The following SKIL variants were observed in gnomAD, a reference collection of about 807,000 sequenced individuals.
SKIL encodes ski-like protein.
SKIL carries 20 observed loss-of-function variants against 69.6 expected under a neutral mutation model. The observed-to-expected ratio is 0.29, with a 90% CI of 0.20 to 0.42. The LOEUF is 0.42. SKIL is among the 10% of genes least tolerant of loss of function. The probability of loss-of-function intolerance (pLI) is 1.00; values close to 1 mark genes in which losing one functional copy is unlikely to be tolerated. For missense variants in SKIL, 745 were observed against 783.1 expected (o/e 0.95, Z 0.58); for synonymous variants, 310 against 279.9 (o/e 1.11, Z -1.08).
chr3:170,359,331 C>T (rs1736100753), intron 1 of SKIL, among the ~76,000 whole-genome samples: 1 of 152,200 alleles, frequency 6.6e-6, no homozygotes, highest in African/African-American at 2.4e-5. Flanking sequence ...TGCGGTGGCT[C>T]ACGCCTGTAA....
intron 2 of SKIL, among the ~76,000 whole-genome samples, chr3:170,362,683 TG>T: frequency 6.6e-6 from 1 of 151,462 alleles, no homozygotes; most frequent in East Asian, 1.9e-4. Flanking sequence ...GGCATGGTGG[TG>T]TGTGTTTGTA....
At chr3:170,374,152 A>G (rs1406371622) in intron 2 of SKIL, among the ~76,000 whole-genome samples, 1 of 152,210 alleles carries the variant, frequency 6.6e-6, no homozygotes, top group Non-Finnish European at 1.5e-5. Flanking sequence ...AGAAATTTAG[A>G]GAAACTTTCA....
intron 2 of SKIL, among the ~76,000 whole-genome samples, chr3:170,365,729 TCATTTTAAAA>T (rs1736466209): frequency 6.8e-6 from 1 of 148,030 alleles, no homozygotes; most frequent in Non-Finnish European, 1.5e-5. Context: ...CAGAGGGAGC[TCATTTTAAAA>T]AGTCAAACTA....
chr3:170,378,093 A>G (rs910754146), intron 2 of SKIL, among the ~76,000 whole-genome samples: 4 of 151,488 alleles, frequency 2.6e-5, no homozygotes, highest in African/African-American at 7.3e-5. Context: ...GGGTTTCACT[A>G]TATTGGCCAG....
rs538734885 is a variant in SKIL, at chr3:170,360,982, C to T, written c.651C>T (p.Ser217=). The T allele has an allele frequency of 6.2e-7, 1 of 1,614,184 alleles. No individual in the cohort carries two copies. Among genetic ancestry groups the T allele is most frequent in the Non-Finnish European group, 8.5e-7 (1 of 1,180,026 alleles). ...GCATACTTCCATTCAATGCCCCATC[C>T]TGTGGGCTGATTACATTAACTGATG... The part of the protein sequence containing the change: ...VLGILPFNAP[S]CGLITLTDAQ... The change falls in exon 2 of 7, where the codon TCC becomes TCT. Residue 217 remains serine (S), a synonymous_variant. Coordinates refer to ENST00000259119, the MANE Select transcript of SKIL (RefSeq NM_005414.5).
rs1000162401 is a variant in SKIL at position 170,391,264 on chromosome 3, A to G, written c.1896+4A>G. On this transcript the variant is annotated splice_donor_region_variant and intron_variant, in intron 6 of 6. Coordinates refer to ENST00000259119, the MANE Select transcript of SKIL (RefSeq NM_005414.5). ...AGAGGCTGAATATGCAGGACAGGTA[A>G]GAATTACTGTTTGTATAATGGTGCC... The G allele has an allele frequency of 6.0e-6, 9 of 1,504,826 alleles. No homozygotes were observed. Among genetic ancestry groups the G allele is most frequent in the Non-Finnish European group, 7.3e-6 (8 of 1,088,478 alleles). The allele number at this position is 1,504,826 out of a possible 1,614,324, so 93.2% of individuals were successfully genotyped here.
intron 1 of SKIL, among the ~76,000 whole-genome samples, chr3:170,358,055 C>G (rs539715553): frequency 1.2e-4 from 18 of 152,178 alleles, no homozygotes; most frequent in Non-Finnish European, 2.1e-4. Flanking sequence ...CGCGGGGACC[C>G]CGGAGACCCG....
At chr3:170,365,267 A>G (rs768778191) in intron 2 of SKIL, among the ~76,000 whole-genome samples, 7 of 152,166 alleles carry the variant, frequency 4.6e-5, no homozygotes, top group Non-Finnish European at 8.8e-5. Flanking sequence ...ATTTTTCACT[A>G]TTTGCCCCTG....
rs1169956661 is a variant in SKIL, at chr3:170,361,084, A to C, written c.753A>C (p.Ser251=). Residue 251 remains serine (S), a synonymous_variant, in exon 2 of 7, where the codon TCA becomes TCC. Transcript: ENST00000259119. ...GTAGCGTACTTCCTGCTAAAAGCTC[A>C]TTGGCCCAGTTAAAGGAAACTGGCA... The part of the protein sequence containing the change: ...QNGSVLPAKS[S]LAQLKETGSA... The C allele has an allele frequency of 6.2e-7, 1 of 1,614,238 alleles. No homozygotes were observed. Among genetic ancestry groups the C allele is most frequent in the Non-Finnish European group, 8.5e-7 (1 of 1,180,040 alleles).
chr3:170,391,242 G>A lies in SKIL; in HGVS notation c.1878G>A (p.Glu626=), dbSNP rs1737899284. 9 of 1,600,288 alleles carry A rather than the reference G, an allele frequency of 5.6e-6. No homozygotes were observed. Among genetic ancestry groups the A allele is most frequent in the Non-Finnish European group, 7.7e-6 (9 of 1,168,630 alleles). Reference sequence around the variant, plus strand: ...ACTCAAATTTAGAAAAAGACAAAGAGGCTGAATATGCAGGACAGGTAAGAA... The same window carrying A: ...ACTCAAATTTAGAAAAAGACAAAGAAGCTGAATATGCAGGACAGGTAAGAA... ...TCDSNLEKDK[E]AEYAGQLAEL... The change falls in exon 6 of 7, where the codon GAG becomes GAA. Residue 626 remains glutamate (E), a synonymous_variant. Coordinates refer to ENST00000259119, the MANE Select transcript of SKIL (RefSeq NM_005414.5).
At chr3:170,359,210 A>G (rs1169319498) in intron 1 of SKIL, among the ~76,000 whole-genome samples, 1 of 152,224 alleles carries the variant, frequency 6.6e-6, no homozygotes, top group Admixed American at 6.5e-5. Flanking sequence ...TTGCTTTCCT[A>G]TTTAAATGAA....
rs948287623 is a variant in SKIL, at chr3:170,395,990, G to A, written c.*3573G>A. On this transcript the variant is annotated 3_prime_UTR_variant, in exon 7 of 7. Transcript: ENST00000259119. Reference sequence around the variant, plus strand: ...GAAAAGTGTATTAGTATTTTATATTGCATTTCATTTAAAAGGACAGTTTTT... The same window carrying A: ...GAAAAGTGTATTAGTATTTTATATTACATTTCATTTAAAAGGACAGTTTTT... The A allele has an allele frequency of 6.9e-6, 1 of 145,862 alleles. No homozygotes were observed. Among genetic ancestry groups the A allele is most frequent in the South Asian group, 2.2e-4 (1 of 4,568 alleles). 9.0% of individuals were successfully genotyped at this position (145,862 alleles called of 1,614,324 possible). A position where few individuals can be genotyped will look rare whatever the true frequency, so the allele number is the denominator to read the frequency against.
At chr3:170,369,322 TAGTC>T (rs1410551990) in intron 2 of SKIL, among the ~76,000 whole-genome samples, 4 of 152,194 alleles carry the variant, frequency 2.6e-5, no homozygotes, top group Non-Finnish European at 5.9e-5. Context: ...TGGATCATCA[TAGTC>T]AGCCAGTAGT....
chr3:170,383,462 G>A (rs1291091391), intron 3 of SKIL, among the ~76,000 whole-genome samples: 1 of 152,192 alleles, frequency 6.6e-6, no homozygotes, highest in Non-Finnish European at 1.5e-5. Context: ...TTTGCTAAGT[G>A]TTACTCAGAA....
rs922740456 is a variant in SKIL, at chr3:170,394,776, G to A, written c.*2359G>A. 2.0e-5 allele frequency: 3 copies of A among 152,122 alleles called. No homozygotes were observed. Among genetic ancestry groups the A allele is most frequent in the Non-Finnish European group, 2.9e-5 (2 of 68,000 alleles). The allele number at this position is 152,122 out of a possible 1,614,324, so 9.4% of individuals were successfully genotyped here. On this transcript the variant is annotated 3_prime_UTR_variant, in exon 7 of 7. Transcript: ENST00000259119. ...TTTTTTAAGTCAATTGTAAATATAC[G>A]TATTATTGTTAAAAGTAACTTTAAA...
At chr3:170,366,953 C>T (rs1159517250) in intron 2 of SKIL, among the ~76,000 whole-genome samples, 1 of 151,760 alleles carries the variant, frequency 6.6e-6, no homozygotes, top group Non-Finnish European at 1.5e-5. Context: ...TGATCTAATT[C>T]TAATTTTGTT....
chr3:170,392,488 G>T lies in SKIL; in HGVS notation c.*71G>T. 1 of 884,218 alleles carries T rather than the reference G, an allele frequency of 1.1e-6. No homozygotes were observed. 54.8% of individuals were successfully genotyped at this position (884,218 alleles called of 1,614,324 possible). ...TTGTTTGTTGCTTGCTTTGGTAATT[G>T]AATTCTGAAGAATTTATCTGCATGA... On this transcript the variant is annotated 3_prime_UTR_variant, in exon 7 of 7. Transcript: ENST00000259119.
chr3:170,379,877 C>T (rs779909044), intron 2 of SKIL, among the ~76,000 whole-genome samples: 2 of 152,140 alleles, frequency 1.3e-5, no homozygotes, highest in South Asian at 2.1e-4. Context: ...CTCCTGACCT[C>T]AGGTGATCCA....
rs1482188638 is a variant in SKIL, at chr3:170,396,240, A to G, written c.*3823A>G. The G allele has an allele frequency of 2.6e-5, 4 of 152,140 alleles. No homozygotes were observed. The highest frequency in any genetic ancestry group is 1.3e-4 in the Admixed American group (2 of 15,270). The allele number at this position is 152,140 out of a possible 1,614,324, so 9.4% of individuals were successfully genotyped here. A position where few individuals can be genotyped will look rare whatever the true frequency, so the allele number is the denominator to read the frequency against. On this transcript the variant is annotated 3_prime_UTR_variant, in exon 7 of 7. Transcript: ENST00000259119. ...TTTATAAGATTTTTTTCCTCAATATAGATACCTCACTTGAAAAGAAAGCAC... is the reference window on the plus strand; with the variant it reads ...TTTATAAGATTTTTTTCCTCAATATGGATACCTCACTTGAAAAGAAAGCAC...
Sources: allele counts gnomAD v4.1 joint callset (sites outside exome capture counted in the v4.1 genomes callset), GRCh38; gene constraint gnomAD v4.1.1; transcripts MANE v1.5; gene names NCBI Gene and HGNC (gene_info 2026-07-23, HGNC 2026-07-21).